Variants in GRIP1 observed in about 807,000 individuals in gnomAD.
The protein encoded by GRIP1 is glutamate receptor interacting protein 1.
In GRIP1, 45 loss-of-function variants were observed where a neutral mutation model predicts 129.9. The observed-to-expected ratio is 0.35, with a 90% CI of 0.27 to 0.44. The LOEUF is 0.44. Ranked by LOEUF, GRIP1 falls within the 20% of genes least tolerant of loss-of-function variation. The pLI is 1.00. For synonymous variants in GRIP1, 530 were observed against 520.8 expected, an observed-to-expected ratio of 1.02 and a Z score of -0.24; for missense variants, 1,196 against 1,396.8, an observed-to-expected ratio of 0.86 and a Z score of 2.29.
chr12:66,392,383 A>C lies in GRIP1; in HGVS notation c.2389T>G (p.Ser797Ala), dbSNP rs1294222207. The change falls in exon 19 of 25, where the codon TCC (serine) becomes GCC (alanine). Residue 797 changes from serine (S) to alanine (A), a missense_variant. Physicochemically the swap from Ser to Ala is moderately conservative, Grantham distance 99. Coordinates refer to ENST00000359742, the MANE Select transcript of GRIP1 (RefSeq NM_001366722.1). ...KPGKLSDMYP[S>A]TVPSVDSAVD... is the part of the protein sequence containing the mutation. ...GCACTGTCCACACTGGGCACCGTGG[A>C]GGGGTACATGTCGGAGAGCTTGCCT... 2 of 1,613,732 alleles carry C rather than the reference A, an allele frequency of 1.2e-6. No homozygotes were observed. Among genetic ancestry groups the C allele is most frequent in the Non-Finnish European group, 1.7e-6 (2 of 1,179,786 alleles).
chr12:66,423,443 T>G (rs1303078104), intron 14 of GRIP1, among the ~76,000 whole-genome samples: 3 of 152,216 alleles, frequency 2.0e-5, no homozygotes, highest in African/African-American at 7.2e-5. Context: ...CCCATTTGCC[T>G]CTATCCTCAT....
chr12:66,806,822 A>G (rs2039002889), upstream of GRIP1, among the ~76,000 whole-genome samples: 2 of 151,750 alleles, frequency 1.3e-5, no homozygotes, highest in Admixed American at 6.6e-5. Context: ...TTACTTCTGA[A>G]GGATTACATT....
intron 1 of GRIP1, among the ~76,000 whole-genome samples, chr12:66,872,057 G>A (rs2040305290): frequency 6.6e-6 from 1 of 151,906 alleles, no homozygotes; most frequent in African/African-American, 2.4e-5. Context: ...GCTATATTTG[G>A]GAAATTTGCA....
Position 66,565,703 on chromosome 12 carries a change from A to C in GRIP1, c.137-23753T>G, listed in dbSNP as rs914655749. On this transcript the variant is annotated intron_variant, in intron 2 of 24. Transcript: ENST00000359742. ...TGATGGGGATGGCATTGAATCTATA[A>C]GTTACCTTGGGCAGTATGGCCATTT... 3.2e-4 allele frequency among the ~76,000 whole-genome samples: 49 copies of C among 152,248 alleles called. 1 individual carries two copies. Among genetic ancestry groups the C allele is most frequent in the African/African-American group, 1.2e-3 (49 of 41,538 alleles).
chr12:66,587,949 G>C (rs1396490282), intron 2 of GRIP1, among the ~76,000 whole-genome samples: 6 of 152,056 alleles, frequency 3.9e-5, no homozygotes. Context: ...ATAGGTTTTA[G>C]AAATGTATAA....
intron 1 of GRIP1, among the ~76,000 whole-genome samples, chr12:66,664,234 T>C (rs980967892): frequency 3.3e-5 from 5 of 152,088 alleles, no homozygotes; most frequent in African/African-American, 1.2e-4. Context: ...GCTCCAAAAA[T>C]CAATATGCTC....
chr12:66,645,816 G>A (rs893285602), intron 1 of GRIP1, among the ~76,000 whole-genome samples: 3 of 152,160 alleles, frequency 2.0e-5, no homozygotes, highest in African/African-American at 7.2e-5. Context: ...ACCACTATTT[G>A]ACTTAGCAAG....
At chr12:66,892,582 T>TTATA (rs3051168) in intron 1 of GRIP1, among the ~76,000 whole-genome samples, 10,525 of 150,786 alleles carry the variant, frequency 0.07, 499 homozygotes, top group East Asian at 0.26. Flanking sequence ...ATTTACTCAC[T>TTATA]TATATATATA....
chr12:66,886,639 C>T (rs1052454181), intron 1 of GRIP1, among the ~76,000 whole-genome samples: 1 of 152,202 alleles, frequency 6.6e-6, no homozygotes, highest in South Asian at 2.1e-4. Context: ...CATCCATCCT[C>T]TACCAACCCT....
At chr12:67,033,902 A>G (rs921516506) in intron 1 of GRIP1, among the ~76,000 whole-genome samples, 5 of 152,202 alleles carry the variant, frequency 3.3e-5, no homozygotes, top group Non-Finnish European at 7.3e-5. Flanking sequence ...GTAGCACATA[A>G]TACAGCCAGG....
At chr12:66,751,144 GTTC>G (rs1424203514) in intron 1 of GRIP1, among the ~76,000 whole-genome samples, 1 of 152,154 alleles carries the variant, frequency 6.6e-6, no homozygotes, top group Non-Finnish European at 1.5e-5. Flanking sequence ...ACTCTGCAGG[GTTC>G]TTATTTTAGA....
At chr12:66,788,043 T>A (rs1489609254) in intron 1 of GRIP1, among the ~76,000 whole-genome samples, 5 of 151,894 alleles carry the variant, frequency 3.3e-5, no homozygotes, top group African/African-American at 1.2e-4. Flanking sequence ...CCAGGATTGG[T>A]CAACTGGAGT....
intron 1 of GRIP1, among the ~76,000 whole-genome samples, chr12:67,052,030 A>G (rs908434247): frequency 6.6e-6 from 1 of 152,238 alleles, no homozygotes; most frequent in African/African-American, 2.4e-5. Context: ...CATATCAGTA[A>G]CAAAGCAAAT....
chr12:66,591,643 T>C (rs185209084), intron 2 of GRIP1, among the ~76,000 whole-genome samples: 295 of 152,266 alleles, frequency 1.9e-3, no homozygotes, highest in African/African-American at 6.8e-3. Context: ...TATTTTTTAC[T>C]TTTTGAGAGG....
chr12:66,381,910 A>G (rs888946121), intron 19 of GRIP1, among the ~76,000 whole-genome samples: 9 of 152,248 alleles, frequency 5.9e-5, no homozygotes, highest in Admixed American at 3.9e-4. Flanking sequence ...GCTCTTCTCT[A>G]GTCCGTGCTA....
At chr12:66,915,055 T>C (rs947293042) in intron 1 of GRIP1, among the ~76,000 whole-genome samples, 2 of 152,208 alleles carry the variant, frequency 1.3e-5, no homozygotes, top group Admixed American at 6.5e-5. Flanking sequence ...TGTCTCCCAA[T>C]TTACCTGATC....
intron 1 of GRIP1, among the ~76,000 whole-genome samples, chr12:67,031,828 T>C (rs2043027437): frequency 1.3e-5 from 2 of 152,338 alleles, no homozygotes; most frequent in South Asian, 4.2e-4. Context: ...TATTTGTTTT[T>C]GTTTGTCTTC....
chr12:66,874,690 G>C (rs2701290), intron 1 of GRIP1, among the ~76,000 whole-genome samples: 136,166 of 151,956 alleles, frequency 0.9, 62,968 homozygotes, highest in East Asian at 1. Flanking sequence ...ACAACCAGAT[G>C]TTGTGATAAT....
chr12:66,757,967 T>G (rs1486509709), intron 1 of GRIP1, among the ~76,000 whole-genome samples: 1 of 152,172 alleles, frequency 6.6e-6, no homozygotes, highest in Non-Finnish European at 1.5e-5. Context: ...AAAAATCTTA[T>G]TATTTTTACC....
Sources: allele counts gnomAD v4.1 joint callset (sites outside exome capture counted in the v4.1 genomes callset), GRCh38; gene constraint gnomAD v4.1.1; transcripts MANE v1.5; gene names NCBI Gene and HGNC (gene_info 2026-07-23, HGNC 2026-07-21).